LRRC4C: variants seen among roughly 807,000 people sequenced by gnomAD.
The protein encoded by LRRC4C is leucine-rich repeat-containing protein 4C.
LRRC4C carries 5 observed loss-of-function variants against 33.6 expected under a neutral mutation model. The ratio of observed to expected loss-of-function variants is 0.15; its 90% CI spans 0.08 to 0.31. The LOEUF is 0.31. LRRC4C is among the 10% of genes least tolerant of loss of function. The probability of loss-of-function intolerance (pLI) is 1.00; values close to 1 mark genes in which losing one functional copy is unlikely to be tolerated. For synonymous variants in LRRC4C, 329 were observed against 302.0 expected, an observed-to-expected ratio of 1.09 and a Z score of -0.93; for missense variants, 560 against 796.7, an observed-to-expected ratio of 0.70 and a Z score of 3.58.
intron 4 of LRRC4C, among the ~76,000 whole-genome samples, chr11:40,255,959 G>GA (rs1867172662): frequency 4.6e-5 from 7 of 152,122 alleles, no homozygotes; most frequent in Non-Finnish European, 7.4e-5. Context: ...AGCTACAAAG[G>GA]CTCTAAATCA....
intron 2 of LRRC4C, among the ~76,000 whole-genome samples, chr11:40,803,802 G>T (rs986537068): frequency 7.9e-5 from 12 of 151,866 alleles, no homozygotes; most frequent in African/African-American, 2.9e-4. Flanking sequence ...GTACATAGTA[G>T]GTATATATTT....
chr11:40,432,687 C>T lies in LRRC4C; in HGVS notation c.-269-112966G>A, dbSNP rs1043968432. ...TATCCCAGACTCTAACAGTTTCCTTCTGTTTGAATCTTCCAATTTTACTTT... is the reference window on the plus strand; with the variant it reads ...TATCCCAGACTCTAACAGTTTCCTTTTGTTTGAATCTTCCAATTTTACTTT... On this transcript the variant is annotated intron_variant, in intron 3 of 6. Transcript: ENST00000528697. 7.2e-5 allele frequency among the ~76,000 whole-genome samples: 11 copies of T among 152,156 alleles called. No homozygotes were observed. In the East Asian group the frequency reaches 1.2e-3, roughly 16 times the overall value.
At chr11:40,768,262 C>T (rs1157026388) in intron 2 of LRRC4C, among the ~76,000 whole-genome samples, 1 of 151,782 alleles carries the variant, frequency 6.6e-6, no homozygotes. Flanking sequence ...CCAAGAGAAC[C>T]ACAAAGAAAT....
intron 1 of LRRC4C, chr11:41,123,084 TA>T (rs1429981366): frequency 6.6e-6 from 1 of 151,954 alleles, no homozygotes; most frequent in Non-Finnish European, 1.5e-5. Flanking sequence ...GATCATCCAA[TA>T]AAAACTCCAA....
chr11:40,738,012 C>A (rs1490958076), intron 2 of LRRC4C, among the ~76,000 whole-genome samples: 1 of 152,068 alleles, frequency 6.6e-6, no homozygotes, highest in East Asian at 1.9e-4. Context: ...GGTACTGGTA[C>A]CAAAACAGAT....
At chr11:41,094,895 A>G (rs1265613351) in intron 1 of LRRC4C, among the ~76,000 whole-genome samples, 1 of 152,176 alleles carries the variant, frequency 6.6e-6, no homozygotes. Context: ...TCTGTCTAAA[A>G]AGGTAGAGCT....
intron 2 of LRRC4C, among the ~76,000 whole-genome samples, chr11:40,845,069 C>T (rs746793210): frequency 6.6e-6 from 1 of 151,822 alleles, no homozygotes; most frequent in Non-Finnish European, 1.5e-5. Context: ...TATTTTAAAA[C>T]GTCATGTTGT....
At chr11:40,783,081 T>C (rs549206672) in intron 2 of LRRC4C, among the ~76,000 whole-genome samples, 1 of 152,300 alleles carries the variant, frequency 6.6e-6, no homozygotes, top group South Asian at 2.1e-4. Context: ...TAGTCATAAA[T>C]ACAAGTGTTG....
chr11:40,873,922 T>C (rs529989419), intron 2 of LRRC4C, among the ~76,000 whole-genome samples: 2 of 152,202 alleles, frequency 1.3e-5, no homozygotes, highest in Admixed American at 6.5e-5. Flanking sequence ...AGGATATTTG[T>C]AAAAACCATA....
At chr11:40,224,255 T>G (rs189530483) in intron 5 of LRRC4C, among the ~76,000 whole-genome samples, 1 of 152,366 alleles carries the variant, frequency 6.6e-6, no homozygotes, top group East Asian at 1.9e-4. Context: ...AATGTTGATC[T>G]GGTTTATATA....
chr11:41,148,566 G>A (rs1943838619), intron 1 of LRRC4C, among the ~76,000 whole-genome samples: 1 of 152,052 alleles, frequency 6.6e-6, no homozygotes, highest in Non-Finnish European at 1.5e-5. Flanking sequence ...ATGCAAAGGT[G>A]AAGACAGAAA....
intron 3 of LRRC4C, among the ~76,000 whole-genome samples, chr11:40,486,040 G>A (rs973703382): frequency 2.8e-4 from 43 of 151,430 alleles, no homozygotes; most frequent in African/African-American, 1.0e-3. Flanking sequence ...AATAACAAAT[G>A]AGTACTAGGC....
At chr11:40,300,519 T>C (rs1944721876) in intron 4 of LRRC4C, among the ~76,000 whole-genome samples, 1 of 152,184 alleles carries the variant, frequency 6.6e-6, no homozygotes, top group African/African-American at 2.4e-5. Flanking sequence ...CATGTACAGA[T>C]CCAAAGAGTC....
chr11:40,956,957 T>A (rs538596890), intron 1 of LRRC4C, among the ~76,000 whole-genome samples: 40 of 151,840 alleles, frequency 2.6e-4, no homozygotes, highest in Non-Finnish European at 4.4e-4. Context: ...TCCCAGTGCA[T>A]AAAGGGAACT....
chr11:41,114,513 T>A (rs955056693), intron 1 of LRRC4C, among the ~76,000 whole-genome samples: 4 of 152,064 alleles, frequency 2.6e-5, no homozygotes, highest in Non-Finnish European at 5.9e-5. Context: ...TCATTTGGGT[T>A]AAAAATTTTT....
At chr11:41,376,912 C>A (rs1213042984) in intron 1 of LRRC4C, among the ~76,000 whole-genome samples, 1 of 151,968 alleles carries the variant, frequency 6.6e-6, no homozygotes, top group Non-Finnish European at 1.5e-5. Flanking sequence ...TTAATAGAGA[C>A]AAGGGGAAGA....
intron 1 of LRRC4C, among the ~76,000 whole-genome samples, chr11:41,380,633 A>C (rs933910853): frequency 1.3e-5 from 2 of 152,190 alleles, no homozygotes; most frequent in African/African-American, 4.8e-5. Context: ...AGCTGGTAGA[A>C]AGGTAAACAG....
intron 2 of LRRC4C, among the ~76,000 whole-genome samples, chr11:40,684,768 T>G (rs1944875099): frequency 6.6e-6 from 1 of 151,926 alleles, no homozygotes; most frequent in Admixed American, 6.6e-5. Flanking sequence ...GAACAATTAG[T>G]TTGACAACAA....
chr11:40,147,171 G>A lies in LRRC4C; in HGVS notation c.-95-6318C>T, dbSNP rs113573449. 3.7e-3 allele frequency among the ~76,000 whole-genome samples: 562 copies of A among 152,188 alleles called. 6 individuals are homozygous for A. Among genetic ancestry groups the A allele is most frequent in the African/African-American group, 0.012 (518 of 41,534 alleles). On this transcript the variant is annotated intron_variant, in intron 5 of 6. Coordinates refer to ENST00000528697, the MANE Select transcript of LRRC4C (RefSeq NM_001258419.2). ...TTCTCTCAATTTAATAGTGGGCACT[G>A]ACCGCCACTTGCAGGTAGAACAAAT...
Sources: gnomAD v4.1 joint callset for allele counts (sites outside exome capture counted in the v4.1 genomes callset) on GRCh38, gnomAD v4.1.1 for gene constraint, MANE v1.5 for transcripts, NCBI Gene and HGNC (gene_info 2026-07-23, HGNC 2026-07-21) for gene names.